The following CERKL variants were observed in gnomAD, a reference collection of about 807,000 sequenced individuals.
CERKL encodes CERK like autophagy regulator, also known as ceramide kinase-like protein.
A neutral mutation model predicts 63.4 loss-of-function variants in CERKL; 61 were observed. That is an observed-to-expected ratio of 0.96 (90% confidence interval 0.78 to 1.19). The LOEUF is 1.19. Ranked by LOEUF, CERKL falls within the 50% of genes most tolerant of loss-of-function variation. CERKL has a pLI of 0.00. For synonymous variants in CERKL, 250 were observed against 230.5 expected (o/e 1.08, Z -0.77); for missense variants, 675 against 655.5 (o/e 1.03, Z -0.33).
chr2:181,539,168 C>A lies in CERKL; in HGVS notation c.1462G>T (p.Glu488Ter), dbSNP rs188492864. 8.1e-6 allele frequency: 13 copies of A among 1,607,260 alleles called. No individual in the cohort carries two copies. The Admixed American group carries it at 1.8e-4, about 23-fold the overall frequency. The change falls in exon 12 of 13, where the codon GAA becomes TAA. Residue 488 changes from glutamate to a stop codon, truncating the protein, a stop_gained. Coordinates refer to ENST00000410087, the MANE Select transcript of CERKL (RefSeq NM_201548.5). LOFTEE classifies it high-confidence loss of function. ...GGYNPEEEED[E>*]TASENCFPWN... ...GGGAAACAATTTTCTGAAGCAGTTT[C>A]ATCCTCCTCCTCCTCTGGATTATAT... is the stretch of plus-strand genomic sequence containing the variant.
intron 2 of CERKL, among the ~76,000 whole-genome samples, chr2:181,582,018 A>T (rs1468065745): frequency 6.6e-6 from 1 of 152,182 alleles, no homozygotes; most frequent in African/African-American, 2.4e-5. Context: ...AAAAAACATA[A>T]ATCTCATTTT....
In CERKL at chr2:181,630,008, G is replaced by A. The variant is rs375481675; in HGVS notation, c.239-25929C>T. Among the ~76,000 whole-genome samples, 5 of 150,048 alleles carry A rather than the reference G, an allele frequency of 3.3e-5. No individual in the cohort carries two copies. In the South Asian group the frequency reaches 6.3e-4, roughly 19 times the overall value. The stretch of plus-strand genomic sequence containing the variant: ...AGAAGCCTCACCTCACTATTAATAG[G>A]AATTTAAGGGGAAGAATAAAACCCA... On this transcript the variant is annotated intron_variant, in intron 1 of 12. Coordinates refer to ENST00000410087, the MANE Select transcript of CERKL (RefSeq NM_201548.5).
chr2:181,598,541 A>G (rs1407264681), intron 2 of CERKL, among the ~76,000 whole-genome samples: 30 of 151,940 alleles, frequency 2.0e-4, no homozygotes, highest in Non-Finnish European at 1.6e-4. Context: ...AGGTGCTTCT[A>G]CTGGACATCA....
chr2:181,593,231 T>C (rs924626350), intron 2 of CERKL, among the ~76,000 whole-genome samples: 15 of 152,164 alleles, frequency 9.9e-5, no homozygotes, highest in Non-Finnish European at 1.6e-4. Context: ...CAATGACTAA[T>C]TGATTAATCT....
chr2:181,537,607 G>GAAATTTAACATAAT lies in CERKL; in HGVS notation c.*563_*576dup. On this transcript the variant is annotated 3_prime_UTR_variant, in exon 13 of 13. Coordinates refer to ENST00000410087, the MANE Select transcript of CERKL (RefSeq NM_201548.5). ...GTATTATATTTGTAACAGAATATAG[G>GAAATTTAACATAAT]AAATTTAACATAATTGATGAGCTCA... The GAAATTTAACATAAT allele has an allele frequency of 2.3e-6, 1 of 430,608 alleles. No homozygotes were observed. Among genetic ancestry groups the GAAATTTAACATAAT allele is most frequent in the Non-Finnish European group, 4.6e-6 (1 of 218,974 alleles). The allele number at this position is 430,608 out of a possible 1,614,324, so 26.7% of individuals were successfully genotyped here.
intron 1 of CERKL, among the ~76,000 whole-genome samples, chr2:181,634,046 A>G (rs944429584): frequency 6.6e-6 from 1 of 152,186 alleles, no homozygotes; most frequent in Admixed American, 6.5e-5. Flanking sequence ...AGTGTCAATC[A>G]ATGACAAAAA....
chr2:181,587,759 A>G (rs1684826691), intron 2 of CERKL, among the ~76,000 whole-genome samples: 1 of 152,150 alleles, frequency 6.6e-6, no homozygotes, highest in Admixed American at 6.5e-5. Context: ...GAACACTTTT[A>G]TGAATATGTT....
At chr2:181,616,908 CCTT>C (rs1293746056) in intron 1 of CERKL, among the ~76,000 whole-genome samples, 3 of 152,138 alleles carry the variant, frequency 2.0e-5, no homozygotes, top group African/African-American at 7.2e-5. Context: ...AATTAAAACA[CCTT>C]CATCAGCAAT....
intron 1 of CERKL, among the ~76,000 whole-genome samples, chr2:181,624,270 A>G (rs905813787): frequency 1.3e-5 from 2 of 152,108 alleles, no homozygotes; most frequent in African/African-American, 4.8e-5. Flanking sequence ...GCTCATGCCT[A>G]TAATCCCAAC....
chr2:181,583,458 A>G (rs1684625788), intron 2 of CERKL, among the ~76,000 whole-genome samples: 1 of 152,232 alleles, frequency 6.6e-6, no homozygotes, highest in Non-Finnish European at 1.5e-5. Context: ...ATTCTTGCCC[A>G]AAGTATCAAA....
intron 1 of CERKL, among the ~76,000 whole-genome samples, chr2:181,626,626 C>A (rs761508593): frequency 1.3e-5 from 2 of 152,174 alleles, no homozygotes; most frequent in Non-Finnish European, 2.9e-5. Flanking sequence ...TAAATATGCT[C>A]CCTAAATTCC....
At chr2:181,613,486 A>C (rs1468398469) in intron 1 of CERKL, among the ~76,000 whole-genome samples, 1 of 152,198 alleles carries the variant, frequency 6.6e-6, no homozygotes, top group Non-Finnish European at 1.5e-5. Flanking sequence ...TTTCCAGCTC[A>C]AGCTTCCAAT....
chr2:181,543,783 A>C (rs1687608683), intron 11 of CERKL, among the ~76,000 whole-genome samples: 1 of 152,110 alleles, frequency 6.6e-6, no homozygotes, highest in Admixed American at 6.6e-5. Flanking sequence ...AGGAGTTTCG[A>C]GACCAGCCTG....
At chr2:181,628,066 G>A (rs1392034099) in intron 1 of CERKL, among the ~76,000 whole-genome samples, 1 of 147,966 alleles carries the variant, frequency 6.8e-6, no homozygotes, top group Non-Finnish European at 1.5e-5. Context: ...TTGTCCTGAA[G>A]GTTTCATTTG....
At chr2:181,559,148 T>C (rs866667039) in intron 4 of CERKL, among the ~76,000 whole-genome samples, 3 of 152,158 alleles carry the variant, frequency 2.0e-5, no homozygotes, top group Non-Finnish European at 4.4e-5. Context: ...ATAAAAATCA[T>C]ATAAAATATG....
chr2:181,538,954 C>CTT (rs1687349420), intron 12 of CERKL, 138 bp downstream of exon 12: 3 of 696,530 alleles, frequency 4.3e-6, no homozygotes, highest in Non-Finnish European at 7.6e-6. Flanking sequence ...GTGCATGTCT[C>CTT]TTTATGCTTC....
At chr2:181,627,938 G>A (rs1686782659) in intron 1 of CERKL, among the ~76,000 whole-genome samples, 2 of 152,126 alleles carry the variant, frequency 1.3e-5, no homozygotes, top group African/African-American at 2.4e-5. Flanking sequence ...TAGAAACTAG[G>A]TGATAGCACA....
At chr2:181,619,300 G>A (rs1482247027) in intron 1 of CERKL, among the ~76,000 whole-genome samples, 1 of 150,776 alleles carries the variant, frequency 6.6e-6, no homozygotes, top group Non-Finnish European at 1.5e-5. Context: ...TGACCTTAAT[G>A]GATTCATCTT....
At chr2:181,594,954 T>C (rs1005374379) in intron 2 of CERKL, among the ~76,000 whole-genome samples, 3 of 152,322 alleles carry the variant, frequency 2.0e-5, no homozygotes, top group Middle Eastern at 3.4e-3. Flanking sequence ...GCTGGGGGCT[T>C]AATGATTTGT....
Sources: allele counts gnomAD v4.1 joint callset (sites outside exome capture counted in the v4.1 genomes callset), GRCh38; gene constraint gnomAD v4.1.1; transcripts MANE v1.5; gene names NCBI Gene and HGNC (gene_info 2026-07-23, HGNC 2026-07-21).